EFHC2: variants seen among roughly 807,000 people sequenced by gnomAD.
EFHC2 encodes EF-hand domain-containing family member C2.
EFHC2 carries 18 observed loss-of-function variants against 52.7 expected under a neutral mutation model. The observed-to-expected ratio is 0.34, with a 90% CI of 0.24 to 0.51. The LOEUF (loss-of-function observed/expected upper bound fraction) is 0.51, where lower values mean the gene tolerates loss of function less well. Ranked by LOEUF, EFHC2 falls within the 20% of genes least tolerant of loss-of-function variation. The probability of loss-of-function intolerance (pLI) is 0.97; values close to 1 mark genes in which losing one functional copy is unlikely to be tolerated. For missense variants in EFHC2, 513 were observed against 562.5 expected, an observed-to-expected ratio of 0.91 and a Z score of 0.89; for synonymous variants, 203 against 204.1, an observed-to-expected ratio of 0.99 and a Z score of 0.04.
chrX:44,244,832 A>G (rs771137642), intron 7 of EFHC2, among the ~76,000 whole-genome samples: 69 of 112,167 alleles, frequency 6.2e-4, no homozygotes, highest in African/African-American at 2.2e-3. Flanking sequence ...AGAATGTCAA[A>G]TTACTAAGAC....
intron 2 of EFHC2, among the ~76,000 whole-genome samples, chrX:44,279,816 T>A (rs2037688326): frequency 9.0e-6 from 1 of 110,762 alleles, no homozygotes; most frequent in Admixed American, 9.7e-5. Flanking sequence ...CCAAATTATA[T>A]AACTCTCCAG....
At chrX:44,231,287 C>G (rs946930948) in intron 10 of EFHC2, among the ~76,000 whole-genome samples, 10 of 111,815 alleles carry the variant, frequency 8.9e-5, no homozygotes, top group African/African-American at 2.9e-4. Flanking sequence ...CCACACTCTC[C>G]CCAAGCTGTT....
At chrX:44,172,290 C>T (rs1043634317) in intron 13 of EFHC2, among the ~76,000 whole-genome samples, 1 of 112,127 alleles carries the variant, frequency 8.9e-6, no homozygotes, top group Non-Finnish European at 1.9e-5. Flanking sequence ...AAGGCTGCCT[C>T]TTTCCTTCCC....
At chrX:44,257,545 A>G (rs1390395676) in intron 4 of EFHC2, among the ~76,000 whole-genome samples, 2 of 111,766 alleles carry the variant, frequency 1.8e-5, no homozygotes, top group African/African-American at 6.5e-5. Context: ...CAATTGCTAC[A>G]AAGAGAATAA....
chrX:44,317,994 A>G (rs1204315931), intron 1 of EFHC2, among the ~76,000 whole-genome samples: 1 of 112,500 alleles, frequency 8.9e-6, no homozygotes, highest in Non-Finnish European at 1.9e-5. Flanking sequence ...ACATAGAATC[A>G]TCATATGATC....
At chrX:44,340,518 G>A (rs1007294901) in intron 1 of EFHC2, among the ~76,000 whole-genome samples, 3 of 111,021 alleles carry the variant, frequency 2.7e-5, no homozygotes, top group Non-Finnish European at 5.7e-5. Context: ...AATTAGCCAG[G>A]CATGATGGCG....
intron 1 of EFHC2, among the ~76,000 whole-genome samples, chrX:44,325,456 G>A (rs1408752166): frequency 9.0e-6 from 1 of 110,843 alleles, no homozygotes; most frequent in African/African-American, 3.3e-5. Flanking sequence ...TTGGAAAGGT[G>A]GCAGCCAAAT....
chrX:44,337,764 C>G (rs745382339), intron 1 of EFHC2, among the ~76,000 whole-genome samples: 1 of 111,853 alleles, frequency 8.9e-6, no homozygotes, highest in Non-Finnish European at 1.9e-5. Context: ...ATTACCATTT[C>G]GCATTCCCAC....
At chrX:44,260,358 C>A (rs764561095) in intron 4 of EFHC2, among the ~76,000 whole-genome samples, 1 of 111,534 alleles carries the variant, frequency 9.0e-6, no homozygotes, top group African/African-American at 3.3e-5. Context: ...CGATCCAGTC[C>A]CAGCAAGGAG....
At chrX:44,229,582 T>C in intron 11 of EFHC2, 67 bp downstream of exon 11, 1 of 1,151,153 alleles carries the variant, frequency 8.7e-7, no homozygotes, top group Non-Finnish European at 1.2e-6. Flanking sequence ...AGGAAAGAAA[T>C]AGTTCTCTCT....
chrX:44,266,663 C>T (rs1354042810), intron 3 of EFHC2, among the ~76,000 whole-genome samples: 1 of 111,121 alleles, frequency 9.0e-6, no homozygotes, highest in African/African-American at 3.3e-5. Flanking sequence ...ATGTCCTATG[C>T]AATATTTGGG....
intron 14 of EFHC2, among the ~76,000 whole-genome samples, chrX:44,157,175 G>T (rs1024989150): frequency 8.9e-6 from 1 of 112,149 alleles, no homozygotes; most frequent in Non-Finnish European, 1.9e-5. Context: ...CTCCTTGTTT[G>T]TTGTTGACCC....
chrX:44,244,677 T>C (rs1267501583), intron 7 of EFHC2, among the ~76,000 whole-genome samples: 1 of 112,190 alleles, frequency 8.9e-6, no homozygotes, highest in African/African-American at 3.2e-5. Flanking sequence ...GGTGATTTTC[T>C]ATTCACCATC....
chrX:44,193,088 A>C (rs191437313), intron 11 of EFHC2, among the ~76,000 whole-genome samples: 117 of 111,284 alleles, frequency 1.1e-3, no homozygotes, highest in African/African-American at 3.7e-3. Flanking sequence ...ATTCTCTCTG[A>C]AGCCTGTTAC....
intron 3 of EFHC2, among the ~76,000 whole-genome samples, chrX:44,268,426 G>A (rs180840550): frequency 2.7e-5 from 3 of 111,370 alleles, no homozygotes; most frequent in African/African-American, 9.8e-5. Flanking sequence ...AGATGAACTG[G>A]ACAGGGGCCA....
intron 13 of EFHC2, among the ~76,000 whole-genome samples, chrX:44,170,109 T>G (rs189872458): frequency 6.3e-5 from 7 of 111,354 alleles, no homozygotes; most frequent in Non-Finnish European, 1.1e-4. Flanking sequence ...CAGTTTGATA[T>G]GAAGAAAATT....
intron 1 of EFHC2, among the ~76,000 whole-genome samples, chrX:44,325,817 A>G (rs2038048483): frequency 9.5e-6 from 1 of 104,814 alleles, no homozygotes; most frequent in South Asian, 4.6e-4. Flanking sequence ...TGAGCTAGAT[A>G]AGCCAATATA....
intron 1 of EFHC2, among the ~76,000 whole-genome samples, chrX:44,317,051 A>G (rs1569307497): frequency 8.9e-6 from 1 of 112,288 alleles, no homozygotes; most frequent in Non-Finnish European, 1.9e-5. Flanking sequence ...TGAAAACTTA[A>G]GACAAAAGAA....
intron 2 of EFHC2, among the ~76,000 whole-genome samples, chrX:44,273,543 C>T (rs1456207712): frequency 8.9e-6 from 1 of 112,185 alleles, no homozygotes; most frequent in African/African-American, 3.2e-5. Flanking sequence ...AAAACACAGC[C>T]CATTTTTCTC....
Sources: allele counts gnomAD v4.1 joint callset (sites outside exome capture counted in the v4.1 genomes callset), GRCh38; gene constraint gnomAD v4.1.1; transcripts MANE v1.5; gene names NCBI Gene and HGNC (gene_info 2026-07-23, HGNC 2026-07-21).